Variants in HTR2C observed in about 807,000 individuals in gnomAD.
HTR2C encodes 5-hydroxytryptamine (serotonin) receptor 2C, G protein-coupled.
Under a neutral mutation model 21.0 loss-of-function variants are expected in HTR2C, and 5 were observed. That is an observed-to-expected ratio of 0.24 (90% CI 0.12 to 0.50). The LOEUF (loss-of-function observed/expected upper bound fraction) is 0.50. HTR2C is among the 20% of genes least tolerant of loss of function. The pLI, the probability that HTR2C is intolerant of heterozygous loss-of-function variation, is 0.98. For synonymous variants in HTR2C, 150 were observed against 145.3 expected (o/e 1.03, Z -0.23); for missense variants, 271 against 371.2 (o/e 0.73, Z 2.22).
chrX:114,833,239 C>G (rs1332227982), intron 4 of HTR2C, among the ~76,000 whole-genome samples: 2 of 102,660 alleles, frequency 1.9e-5, no homozygotes, highest in Non-Finnish European at 4.0e-5. Context: ...AGGATTCCCT[C>G]TTTTTCTATT....
rs1421418125 is a variant in HTR2C at position 114,719,033 on chromosome X, TATA to T, written c.-79-7818_-79-7816del. Among the ~76,000 whole-genome samples, 13 of 103,251 alleles carry T rather than the reference TATA, an allele frequency of 1.3e-4. No homozygotes were observed. The East Asian group carries it at 2.6e-3, about 21-fold the overall frequency. 89.7% of individuals were successfully genotyped at this position (103,251 alleles called of 115,157 possible). A position where few individuals can be genotyped will look rare whatever the true frequency, so the allele number is the denominator to read the frequency against. On this transcript the variant is annotated intron_variant, in intron 2 of 5. Transcript: ENST00000276198. The stretch of plus-strand genomic sequence containing the variant: ...AATATAAAATAAATAAATAAAATAA[TATA>T]ATAATATTAATAATATAATTATAAT...
At chrX:114,862,541 TTG>T (rs2071014263) in intron 5 of HTR2C, among the ~76,000 whole-genome samples, 1 of 111,189 alleles carries the variant, frequency 9.0e-6, no homozygotes, top group Admixed American at 9.6e-5. Context: ...TTTAAAAGGG[TTG>T]TGTTGAATCT....
intron 4 of HTR2C, among the ~76,000 whole-genome samples, chrX:114,837,558 T>C (rs1236821408): frequency 9.0e-6 from 1 of 111,404 alleles, no homozygotes; most frequent in African/African-American, 3.3e-5. Context: ...TTTCCCTTTT[T>C]CTATCTCTGG....
chrX:114,823,925 T>C (rs2070657544), intron 4 of HTR2C, among the ~76,000 whole-genome samples: 1 of 111,985 alleles, frequency 8.9e-6, no homozygotes, highest in Admixed American at 9.6e-5. Context: ...AGAGAGAATC[T>C]AATTCTTAAT....
At chrX:114,888,348 C>T (rs1556482104) in intron 5 of HTR2C, among the ~76,000 whole-genome samples, 1 of 111,301 alleles carries the variant, frequency 9.0e-6, no homozygotes, top group Admixed American at 9.6e-5. Flanking sequence ...AATGGCAATT[C>T]GGGACCCAGT....
At chrX:114,901,175 G>T (rs895268180) in intron 5 of HTR2C, among the ~76,000 whole-genome samples, 1 of 112,524 alleles carries the variant, frequency 8.9e-6, no homozygotes, top group African/African-American at 3.2e-5. Flanking sequence ...TGAAAGAAAT[G>T]TGCCTCTTAG....
At chrX:114,736,987 T>A (rs924737677) in intron 4 of HTR2C, among the ~76,000 whole-genome samples, 4 of 109,398 alleles carry the variant, frequency 3.7e-5, no homozygotes, top group African/African-American at 1.3e-4. Flanking sequence ...CATAAAGGAG[T>A]GAACAGAGGA....
chrX:114,740,693 C>T (rs1025138341), intron 4 of HTR2C, among the ~76,000 whole-genome samples: 14 of 111,480 alleles, frequency 1.3e-4, no homozygotes, highest in Non-Finnish European at 2.4e-4. Context: ...TAACTTAATT[C>T]TATTTGAAAC....
intron 2 of HTR2C, among the ~76,000 whole-genome samples, chrX:114,615,032 G>A (rs908005232): frequency 5.4e-5 from 6 of 111,744 alleles, no homozygotes; most frequent in Non-Finnish European, 1.1e-4. Flanking sequence ...AATTTTAACA[G>A]AAATTTTTAG....
chrX:114,887,886 C>T (rs868943632), intron 5 of HTR2C, among the ~76,000 whole-genome samples: 20 of 110,087 alleles, frequency 1.8e-4, no homozygotes, highest in African/African-American at 5.3e-4. Context: ...TACTGGCGGG[C>T]GCCAGTAATC....
At chrX:114,760,469 A>C (rs146421066) in intron 4 of HTR2C, among the ~76,000 whole-genome samples, 1,846 of 111,827 alleles carry the variant, frequency 0.017, 42 homozygotes, top group African/African-American at 0.057. Flanking sequence ...TGATGCTTTC[A>C]TATGTGTTAT....
chrX:114,682,010 T>C (rs910852791), intron 2 of HTR2C, among the ~76,000 whole-genome samples: 1 of 111,412 alleles, frequency 9.0e-6, no homozygotes, highest in Admixed American at 9.6e-5. Context: ...CAGGAGGATA[T>C]TTTTCATCTT....
chrX:114,647,247 CA>C (rs1297980986), intron 2 of HTR2C, among the ~76,000 whole-genome samples: 16 of 111,379 alleles, frequency 1.4e-4, no homozygotes, highest in African/African-American at 4.9e-4. Flanking sequence ...GTTCTCCCTA[CA>C]AAAAAATGAT....
At chrX:114,816,798 A>G (rs139714360) in intron 4 of HTR2C, among the ~76,000 whole-genome samples, 1,184 of 110,864 alleles carry the variant, frequency 0.011, 3 homozygotes, top group Middle Eastern at 0.017. Context: ...AAAACATGTT[A>G]GATAAATTCA....
intron 1 of HTR2C, among the ~76,000 whole-genome samples, chrX:114,592,255 T>C (rs1176133401): frequency 8.9e-6 from 1 of 112,682 alleles, no homozygotes; most frequent in African/African-American, 3.2e-5. Flanking sequence ...TCACCGCAAT[T>C]ACTTTTGCAC....
intron 5 of HTR2C, among the ~76,000 whole-genome samples, chrX:114,895,944 A>G (rs1556484007): frequency 9.2e-6 from 1 of 108,728 alleles, no homozygotes; most frequent in Non-Finnish European, 1.9e-5. Flanking sequence ...TGCCAAGATC[A>G]TGCCATTGCA....
At chrX:114,805,590 ATATATATACCATATATATACACAT>A (rs2070397223) in intron 4 of HTR2C, among the ~76,000 whole-genome samples, 1 of 60,467 alleles carries the variant, frequency 1.7e-5, no homozygotes, top group Non-Finnish European at 3.0e-5. Flanking sequence ...TATATACACC[ATATATATACCATATATATACACAT>A]CATATATATA....
At chrX:114,861,177 C>T (rs2147501459) in intron 5 of HTR2C, among the ~76,000 whole-genome samples, 1 of 111,146 alleles carries the variant, frequency 9.0e-6, no homozygotes, top group South Asian at 3.8e-4. Context: ...TGTACTCTGA[C>T]CTGTGTCTCC....
At chrX:114,742,018 C>T (rs914005672) in intron 4 of HTR2C, among the ~76,000 whole-genome samples, 1 of 111,268 alleles carries the variant, frequency 9.0e-6, no homozygotes, top group Non-Finnish European at 1.9e-5. Context: ...CAAAAGGAGT[C>T]TCTATGGTCT....
Sources: gnomAD v4.1 joint callset for allele counts (sites outside exome capture counted in the v4.1 genomes callset) on GRCh38, gnomAD v4.1.1 for gene constraint, MANE v1.5 for transcripts, NCBI Gene and HGNC (gene_info 2026-07-23, HGNC 2026-07-21) for gene names.